ADAMTSL1: variants seen among roughly 807,000 people sequenced by gnomAD.
ADAMTSL1 encodes ADAMTS-like protein 1.
In ADAMTSL1, 126 loss-of-function variants were observed where a neutral mutation model predicts 201.8. The observed-to-expected ratio is 0.62, with a 90% CI of 0.54 to 0.72. The LOEUF is 0.72. ADAMTSL1 is among the 30% of genes least tolerant of loss of function. The pLI, the probability that ADAMTSL1 is intolerant of heterozygous loss-of-function variation, is 0.00. For missense variants in ADAMTSL1, 2,679 were observed against 2,277.8 expected (o/e 1.18, Z -3.59); for synonymous variants, 1,121 against 903.4 (o/e 1.24, Z -4.32).
chr9:18,319,206 A>C (rs564137103), intron 2 of ADAMTSL1, among the ~76,000 whole-genome samples: 9 of 152,194 alleles, frequency 5.9e-5, no homozygotes, highest in African/African-American at 2.2e-4. Context: ...AACTCTATTT[A>C]AAAAAAAGAA....
chr9:18,185,499 G>C (rs373211872), intron 2 of ADAMTSL1, among the ~76,000 whole-genome samples: 1 of 152,130 alleles, frequency 6.6e-6, no homozygotes, highest in Non-Finnish European at 1.5e-5. Context: ...ATTTATAAAT[G>C]TGTATTATTA....
chr9:18,699,094 A>G (rs1468107289), intron 13 of ADAMTSL1, among the ~76,000 whole-genome samples: 1 of 152,194 alleles, frequency 6.6e-6, no homozygotes, highest in African/African-American at 2.4e-5. Context: ...TCTAGCATAA[A>G]GTCTCTTTGA....
intron 2 of ADAMTSL1, among the ~76,000 whole-genome samples, chr9:18,432,992 T>C (rs56229029): frequency 0.016 from 2,455 of 152,292 alleles, 32 homozygotes; most frequent in Non-Finnish European, 0.024. Flanking sequence ...CACTGTCTAA[T>C]AGGATTAGAA....
At chr9:18,244,821 C>A (rs995333035) in intron 2 of ADAMTSL1, among the ~76,000 whole-genome samples, 3 of 152,134 alleles carry the variant, frequency 2.0e-5, no homozygotes, top group African/African-American at 7.2e-5. Flanking sequence ...TGGTTTAGAT[C>A]TCTTGTCATT....
chr9:18,847,099 G>A (rs1386106746), intron 23 of ADAMTSL1, among the ~76,000 whole-genome samples: 1 of 152,210 alleles, frequency 6.6e-6, no homozygotes, highest in Non-Finnish European at 1.5e-5. Context: ...TAAATGCTAG[G>A]TCCTGTGCCT....
chr9:18,499,647 A>C (rs1458228491), intron 1 of ADAMTSL1, among the ~76,000 whole-genome samples: 1 of 152,230 alleles, frequency 6.6e-6, no homozygotes, highest in Non-Finnish European at 1.5e-5. Context: ...AGCCACATAC[A>C]CAGCTCCAGA....
intron 15 of ADAMTSL1, among the ~76,000 whole-genome samples, chr9:18,751,657 G>A (rs1819475336): frequency 6.6e-6 from 1 of 152,134 alleles, no homozygotes; most frequent in African/African-American, 2.4e-5. Context: ...ACATCAGGAG[G>A]TATACACTCT....
chr9:18,865,202 C>A (rs558008212), intron 23 of ADAMTSL1, among the ~76,000 whole-genome samples: 1 of 152,110 alleles, frequency 6.6e-6, no homozygotes, highest in Non-Finnish European at 1.5e-5. Flanking sequence ...CCCCCCACCC[C>A]ACAATAGGCC....
At chr9:18,886,830 G>C (rs570716280) in intron 23 of ADAMTSL1, among the ~76,000 whole-genome samples, 1 of 152,282 alleles carries the variant, frequency 6.6e-6, no homozygotes, top group East Asian at 1.9e-4. Context: ...TCAGACTATA[G>C]CACCATCTTT....
intron 2 of ADAMTSL1, among the ~76,000 whole-genome samples, chr9:18,253,905 G>C (rs1449371595): frequency 6.6e-6 from 1 of 152,146 alleles, no homozygotes; most frequent in Non-Finnish European, 1.5e-5. Flanking sequence ...TTTTTGATGA[G>C]TCTTTGATGA....
intron 3 of ADAMTSL1, among the ~76,000 whole-genome samples, chr9:18,559,730 T>TGTAA (rs1419023620): frequency 6.6e-6 from 1 of 152,194 alleles, no homozygotes; most frequent in East Asian, 1.9e-4. Context: ...TCACATCCCT[T>TGTAA]GTAAGTTATA....
At chr9:18,621,533 G>A (rs1333353530) in intron 4 of ADAMTSL1, among the ~76,000 whole-genome samples, 2 of 148,366 alleles carry the variant, frequency 1.3e-5, no homozygotes, top group Non-Finnish European at 3.0e-5. Context: ...CATCCCTGCT[G>A]CCCTTCATGC....
At chr9:18,329,950 T>G (rs762708552) in intron 2 of ADAMTSL1, among the ~76,000 whole-genome samples, 40 of 152,218 alleles carry the variant, frequency 2.6e-4, no homozygotes, top group Non-Finnish European at 1.8e-4. Context: ...TGTGTCTTAG[T>G]GATTATCTGT....
chr9:18,313,121 G>T (rs1265380603), intron 2 of ADAMTSL1, among the ~76,000 whole-genome samples: 1 of 152,168 alleles, frequency 6.6e-6, no homozygotes, highest in Non-Finnish European at 1.5e-5. Flanking sequence ...CAGATTGCTG[G>T]GCTACACTTC....
intron 2 of ADAMTSL1, among the ~76,000 whole-genome samples, chr9:18,215,038 C>A (rs1045349396): frequency 1.3e-5 from 2 of 152,060 alleles, no homozygotes; most frequent in Admixed American, 6.5e-5. Context: ...CAACTAAATT[C>A]TTTATGGATT....
chr9:18,699,948 A>T (rs1251425342), intron 13 of ADAMTSL1, among the ~76,000 whole-genome samples: 1 of 152,196 alleles, frequency 6.6e-6, no homozygotes, highest in Non-Finnish European at 1.5e-5. Flanking sequence ...AGACCTCAAT[A>T]TGAGTTGCAT....
intron 2 of ADAMTSL1, among the ~76,000 whole-genome samples, chr9:18,220,870 G>C (rs1015525436): frequency 2.0e-5 from 3 of 151,584 alleles, no homozygotes; most frequent in South Asian, 4.2e-4. Flanking sequence ...GGCTTCCCAG[G>C]CTCAAGTTAT....
chr9:18,826,061 T>C, intron 21 of ADAMTSL1: 1 of 615,988 alleles, frequency 1.6e-6, no homozygotes, highest in Non-Finnish European at 2.9e-6. Flanking sequence ...CTGAGATGTT[T>C]ATCTTGTATC....
chr9:17,974,974 T>C (rs547030976), intron 1 of ADAMTSL1, among the ~76,000 whole-genome samples: 43 of 152,212 alleles, frequency 2.8e-4, no homozygotes, highest in African/African-American at 1.0e-3. Flanking sequence ...CTAATTTACA[T>C]TCCTACAAAC....
Sources: allele counts gnomAD v4.1 joint callset (sites outside exome capture counted in the v4.1 genomes callset), GRCh38; gene constraint gnomAD v4.1.1; transcripts MANE v1.5; gene names NCBI Gene and HGNC (gene_info 2026-07-23, HGNC 2026-07-21).